Variants in GRIP1 observed in about 807,000 individuals in gnomAD.
GRIP1 encodes the protein glutamate receptor interacting protein 1.
A neutral mutation model predicts 129.9 loss-of-function variants in GRIP1; 45 were observed. The ratio of observed to expected loss-of-function variants is 0.35; its 90% CI spans 0.27 to 0.44. The LOEUF (loss-of-function observed/expected upper bound fraction) is 0.44. GRIP1 is among the 20% of genes least tolerant of loss of function. GRIP1 has a pLI of 1.00. For missense variants in GRIP1, 1,196 were observed against 1,396.8 expected, an observed-to-expected ratio of 0.86 and a Z score of 2.29; for synonymous variants, 530 against 520.8, an observed-to-expected ratio of 1.02 and a Z score of -0.24.
chr12:66,989,372 A>G (rs1437457988), intron 1 of GRIP1, among the ~76,000 whole-genome samples: 1 of 152,200 alleles, frequency 6.6e-6, no homozygotes, highest in Non-Finnish European at 1.5e-5. Context: ...TGCCTTGTTG[A>G]AAAGCGTCAA....
chr12:66,723,297 T>C lies in GRIP1; in HGVS notation c.-420+80756A>G, dbSNP rs1420815752. On this transcript the variant is annotated intron_variant, in intron 1 of 4. Coordinates refer to the GRIP1 transcript ENST00000538373. ...CTTCCTTCCTTCCTTTCTTTCTTTC[T>C]TTCTTTCTTTTTTTTTTTTTTTTTT... 1.8e-3 allele frequency among the ~76,000 whole-genome samples: 64 copies of C among 36,328 alleles called. 6 individuals are homozygous for C. The highest frequency in any genetic ancestry group is 2.2e-3 in the Non-Finnish European group (53 of 23,662). 23.8% of individuals were successfully genotyped at this position (36,328 alleles called of 152,430 possible).
chr12:66,817,227 CACACACACACACACACAT>C (rs1467428700), intron 1 of GRIP1, among the ~76,000 whole-genome samples: 1 of 150,968 alleles, frequency 6.6e-6, no homozygotes, highest in Non-Finnish European at 1.5e-5. Context: ...CACACACACA[CACACACACACACACACAT>C]ATATATTTCC....
chr12:66,435,157 A>G (rs377218201), intron 13 of GRIP1, among the ~76,000 whole-genome samples: 8 of 152,008 alleles, frequency 5.3e-5, no homozygotes, highest in African/African-American at 1.7e-4. Context: ...GTAAATGTGC[A>G]TGAAGCATCA....
At chr12:66,494,796 G>A (rs967873491) in intron 7 of GRIP1, among the ~76,000 whole-genome samples, 13 of 152,142 alleles carry the variant, frequency 8.5e-5, no homozygotes, top group Admixed American at 3.3e-4. Context: ...TAGGAGGATC[G>A]CTTGAGCCCA....
At chr12:67,056,825 G>C (rs1393112803) in intron 1 of GRIP1, among the ~76,000 whole-genome samples, 1 of 151,992 alleles carries the variant, frequency 6.6e-6, no homozygotes, top group Non-Finnish European at 1.5e-5. Flanking sequence ...TTGTTTGTTT[G>C]TTTGAGATGG....
intron 1 of GRIP1, among the ~76,000 whole-genome samples, chr12:66,732,516 T>C (rs1297139332): frequency 1.3e-5 from 2 of 151,672 alleles, no homozygotes; most frequent in Non-Finnish European, 2.9e-5. Context: ...TTGTGTTACT[T>C]CACTCCAGAC....
chr12:67,007,510 A>C (rs2042644347), intron 1 of GRIP1, among the ~76,000 whole-genome samples: 2 of 152,194 alleles, frequency 1.3e-5, no homozygotes, highest in South Asian at 4.1e-4. Context: ...GAGGCAAATC[A>C]AAGACAAAGG....
intron 20 of GRIP1, 106 bp downstream of exon 20, chr12:66,379,174 G>T (rs2055974253): frequency 1.4e-5 from 17 of 1,225,340 alleles, no homozygotes; most frequent in Middle Eastern, 2.7e-4. Context: ...GTGGCTTTAA[G>T]AAGCCCATAC....
At chr12:66,531,007 C>A (rs888514046) in intron 4 of GRIP1, among the ~76,000 whole-genome samples, 1 of 151,522 alleles carries the variant, frequency 6.6e-6, no homozygotes, top group Non-Finnish European at 1.5e-5. Context: ...GATGCCAAGG[C>A]GGGTGGATCA....
chr12:66,617,043 T>C, intron 1 of GRIP1, among the ~76,000 whole-genome samples: 1 of 150,664 alleles, frequency 6.6e-6, no homozygotes, highest in Non-Finnish European at 1.5e-5. Context: ...CAAAGGTTGT[T>C]TCCCTAAGAG....
chr12:66,839,877 T>C (rs1404957747), intron 1 of GRIP1, among the ~76,000 whole-genome samples: 1 of 152,236 alleles, frequency 6.6e-6, no homozygotes, highest in Non-Finnish European at 1.5e-5. Context: ...TCATTGCCCC[T>C]CTGTACCAAT....
intron 1 of GRIP1, among the ~76,000 whole-genome samples, chr12:66,885,680 C>A (rs2040554452): frequency 6.6e-6 from 1 of 152,238 alleles, no homozygotes; most frequent in East Asian, 1.9e-4. Context: ...CAAGAACAAC[C>A]AGATACAGCT....
chr12:66,559,606 G>A (rs1305769580), intron 2 of GRIP1, among the ~76,000 whole-genome samples: 1 of 151,926 alleles, frequency 6.6e-6, no homozygotes, highest in Admixed American at 6.6e-5. Flanking sequence ...TAAATAGCTA[G>A]GAATTAAAAG....
chr12:66,389,994 C>A (rs2056520978), intron 19 of GRIP1, among the ~76,000 whole-genome samples: 1 of 152,162 alleles, frequency 6.6e-6, no homozygotes, highest in Non-Finnish European at 1.5e-5. Context: ...GGAGAAGAGG[C>A]TTTAGTCTAG....
At chr12:66,875,623 G>A (rs377732453) in intron 1 of GRIP1, among the ~76,000 whole-genome samples, 1 of 152,124 alleles carries the variant, frequency 6.6e-6, no homozygotes, top group East Asian at 1.9e-4. Context: ...TGTCTTCAAG[G>A]CTGTTGAAAG....
intron 1 of GRIP1, among the ~76,000 whole-genome samples, chr12:66,874,071 C>T (rs1159054744): frequency 1.3e-5 from 2 of 152,060 alleles, no homozygotes; most frequent in Non-Finnish European, 2.9e-5. Context: ...GAGATACGTG[C>T]TGTTTTAAGA....
At chr12:66,419,580 T>C (rs1295398309) in intron 15 of GRIP1, among the ~76,000 whole-genome samples, 1 of 152,186 alleles carries the variant, frequency 6.6e-6, no homozygotes, top group Non-Finnish European at 1.5e-5. Flanking sequence ...ATATACCAAC[T>C]ATATACCCAC....
intron 1 of GRIP1, among the ~76,000 whole-genome samples, chr12:67,052,360 T>A (rs892632007): frequency 6.6e-6 from 1 of 152,228 alleles, no homozygotes; most frequent in African/African-American, 2.4e-5. Context: ...TTGTTTTGTA[T>A]AGGATCTTGT....
intron 2 of GRIP1, among the ~76,000 whole-genome samples, chr12:66,553,914 C>T (rs1010059351): frequency 6.6e-6 from 1 of 152,022 alleles, no homozygotes; most frequent in African/African-American, 2.4e-5. Flanking sequence ...ATGTGAGCTC[C>T]GACAAGCCCC....
Sources: gnomAD v4.1 joint callset for allele counts (sites outside exome capture counted in the v4.1 genomes callset) on GRCh38, gnomAD v4.1.1 for gene constraint, MANE v1.5 for transcripts, NCBI Gene and HGNC (gene_info 2026-07-23, HGNC 2026-07-21) for gene names.